PIEZO2: variants seen among roughly 807,000 people sequenced by gnomAD.
PIEZO2 encodes piezo type mechanosensitive ion channel component 2.
Under a neutral mutation model 337.3 loss-of-function variants are expected in PIEZO2, and 172 were observed. That is an observed-to-expected ratio of 0.51 (90% CI 0.45 to 0.58). The LOEUF (loss-of-function observed/expected upper bound fraction) is 0.58. Among genes scored for constraint, PIEZO2 ranks in the 20% least tolerant of loss-of-function variants. The pLI, the probability that PIEZO2 is intolerant of heterozygous loss-of-function variation, is 0.00. For missense variants in PIEZO2, 3,028 were observed against 3,391.3 expected (o/e 0.89, Z 2.66); for synonymous variants, 1,251 against 1,228.5 (o/e 1.02, Z -0.38).
rs2040809866 is a variant in PIEZO2 at position 11,146,308 on chromosome 18, G to C, written c.64+2217C>G. On this transcript the variant is annotated intron_variant, in intron 1 of 55. Coordinates refer to ENST00000674853, the MANE Select transcript of PIEZO2 (RefSeq NM_001378183.1). The surrounding 1 kb of genome is among the most constrained non-coding windows in gnomAD (Gnocchi z 6.1). ...AAAGTCCAGGATCAAAGTGGACTCA[G>C]GCAGCGGGAGCCCCCAGCCTGCCCT... Among the ~76,000 whole-genome samples, 1 of 152,150 alleles carries C rather than the reference G, an allele frequency of 6.6e-6. No individual in the cohort carries two copies. The highest frequency in any genetic ancestry group is 6.5e-5 in the Admixed American group (1 of 15,286).
At chr18:10,719,996 T>G (rs1395216034) in intron 36 of PIEZO2, among the ~76,000 whole-genome samples, 1 of 152,074 alleles carries the variant, frequency 6.6e-6, no homozygotes, top group Non-Finnish European at 1.5e-5. Flanking sequence ...TGTCATCTGA[T>G]AGAGGATGTT....
chr18:10,871,542 A>C, intron 4 of PIEZO2, 127 bp from the exon 5 acceptor site: 1 of 925,128 alleles, frequency 1.1e-6, no homozygotes, highest in Admixed American at 3.1e-5. Context: ...TCTCCCTAAA[A>C]GGTACAAGAA....
At chr18:10,901,457 C>A (rs2043047619) in intron 4 of PIEZO2, among the ~76,000 whole-genome samples, 1 of 150,998 alleles carries the variant, frequency 6.6e-6, no homozygotes. Context: ...CACACACACA[C>A]ACTGCAGGTG....
Position 10,940,274 on chromosome 18 carries a change from G to T in PIEZO2, c.287-29046C>A, listed in dbSNP as rs2032656048. Among the ~76,000 whole-genome samples, 1 of 152,152 alleles carries T rather than the reference G, an allele frequency of 6.6e-6. No individual in the cohort carries two copies. Among genetic ancestry groups the T allele is most frequent in the African/African-American group, 2.4e-5 (1 of 41,428 alleles). ...CCTCATAAAGCCCTGGCATGAATTG[G>T]TAATAAAAATCTAGTGAGCTCTTCC... On this transcript the variant is annotated intron_variant, in intron 3 of 55. Transcript: ENST00000674853. This position sits in a 1 kb window ranked among gnomAD's most constrained non-coding sequence, Gnocchi z 5.3.
At position 11,032,370 on chromosome 18, in the gene PIEZO2, G is replaced by C. The variant is rs2036773687; in HGVS notation, c.160+33757C>G. ...ACATTCATTTCCGTGTCTGCAGACA[G>C]AAGGTAATGGCATCTCTCCATTATA... On this transcript the variant is annotated intron_variant, in intron 2 of 55. Coordinates refer to ENST00000674853, the MANE Select transcript of PIEZO2 (RefSeq NM_001378183.1). The surrounding 1 kb of genome is among the most constrained non-coding windows in gnomAD (Gnocchi z 4.9). Among the ~76,000 whole-genome samples the C allele has an allele frequency of 1.3e-5, 2 of 152,194 alleles. No individual in the cohort carries two copies. Among genetic ancestry groups the C allele is most frequent in the South Asian group, 4.1e-4 (2 of 4,832 alleles).
chr18:10,747,381 A>ACAGAC (rs1466970676), intron 30 of PIEZO2, among the ~76,000 whole-genome samples: 3 of 152,226 alleles, frequency 2.0e-5, no homozygotes, highest in African/African-American at 7.2e-5. Context: ...AAGGACCTCT[A>ACAGAC]CAGACCAAAT....
At chr18:10,703,269 G>C (rs927052695) in intron 42 of PIEZO2, among the ~76,000 whole-genome samples, 1 of 152,120 alleles carries the variant, frequency 6.6e-6, no homozygotes, top group East Asian at 1.9e-4. Flanking sequence ...TTATAGACTG[G>C]CACCCATTCC....
At chr18:10,692,303 TA>T (rs2034882597) in intron 47 of PIEZO2, among the ~76,000 whole-genome samples, 1 of 152,198 alleles carries the variant, frequency 6.6e-6, no homozygotes, top group Admixed American at 6.5e-5. Flanking sequence ...GTACAGATTT[TA>T]AAAAGGAAAT....
In PIEZO2 at chr18:10,794,785, T is replaced by G; in HGVS notation, c.1745A>C (p.Glu582Ala). 1 of 1,530,818 alleles carries G rather than the reference T, an allele frequency of 6.5e-7. No homozygotes were observed. Among genetic ancestry groups the G allele is most frequent in the South Asian group, 1.2e-5 (1 of 83,046 alleles). The allele number at this position is 1,530,818 out of a possible 1,614,324, so 94.8% of individuals were successfully genotyped here. A position where few individuals can be genotyped will look rare whatever the true frequency, so the allele number is the denominator to read the frequency against. The part of the protein sequence containing the change: ...PGFLEKKEPG[E>A]LASKILFTIT... ...CTATTCACTTACTTTGGAAGCAAGT[T>G]CTCCTGGCTCTTTCTTTTCTAAAAA... Residue 582 changes from glutamate to alanine, a missense_variant, in exon 13 of 56, where the codon GAA (glutamate) becomes GCA (alanine). Transcript: ENST00000674853. The surrounding 1 kb of genome is among the most constrained non-coding windows in gnomAD (Gnocchi z 6.6).
chr18:11,144,618 T>A (rs1388972565), intron 1 of PIEZO2, among the ~76,000 whole-genome samples: 2 of 152,258 alleles, frequency 1.3e-5, no homozygotes, highest in East Asian at 3.8e-4. Context: ...AAATTTTTAC[T>A]CACATTTTAA....
chr18:10,725,614 C>T (rs1368295100), intron 36 of PIEZO2, among the ~76,000 whole-genome samples: 1 of 152,244 alleles, frequency 6.6e-6, no homozygotes, highest in Non-Finnish European at 1.5e-5. Context: ...CCGCCTCCGC[C>T]CTCTGGCTCA....
In PIEZO2 at chr18:10,942,099, G is replaced by GT. The variant is rs1480531249; in HGVS notation, c.287-30872dup. On this transcript the variant is annotated intron_variant, in intron 3 of 55. Transcript: ENST00000674853. The surrounding 1 kb of genome is among the most constrained non-coding windows in gnomAD (Gnocchi z 4.4). The stretch of plus-strand genomic sequence containing the variant: ...GAGGCCTCTCCAGCCATGTGGAACT[G>GT]TAAGTCCAATAAACCTCTTTCTTTT... 1.3e-5 allele frequency among the ~76,000 whole-genome samples: 2 copies of GT among 152,232 alleles called. No individual in the cohort carries two copies. Among genetic ancestry groups the GT allele is most frequent in the African/African-American group, 2.4e-5 (1 of 41,464 alleles).
chr18:10,771,072 T>G (rs1291352082), intron 20 of PIEZO2, among the ~76,000 whole-genome samples: 1 of 152,204 alleles, frequency 6.6e-6, no homozygotes, highest in Admixed American at 6.5e-5. Flanking sequence ...ACTATAATTT[T>G]CTAATATTCT....
In PIEZO2 at chr18:10,807,163, C is replaced by A; in HGVS notation, c.1029G>T (p.Val343=). The stretch of plus-strand genomic sequence containing the variant: ...TCAGAGTGGCCAGAGTGTAGTACAT[C>A]ACCAGCAGGAGGATAGGGTTGGCGT... The part of the protein sequence containing the change: ...YHHANPILLL[V]MYYTLATLIR... Residue 343 remains valine, a synonymous_variant, in exon 8 of 56, where the codon GTG becomes GTT. Coordinates refer to ENST00000674853, the MANE Select transcript of PIEZO2 (RefSeq NM_001378183.1). 6.5e-7 allele frequency: 1 copy of A among 1,537,264 alleles called. No homozygotes were observed. Among genetic ancestry groups the A allele is most frequent in the Non-Finnish European group, 8.7e-7 (1 of 1,146,902 alleles).
At position 10,819,806 on chromosome 18, in the gene PIEZO2, AT is replaced by A. The variant is rs1013919933; in HGVS notation, c.918-12533del. On this transcript the variant is annotated intron_variant, in intron 7 of 55. Transcript: ENST00000674853. The surrounding 1 kb of genome is among the most constrained non-coding windows in gnomAD (Gnocchi z 4.3). ...TAGAGCTAAGCTTCTACCTGAAATC[AT>A]TTTCCTTAAGTCTGAAGAGCATCCT... Among the ~76,000 whole-genome samples, 14 of 152,258 alleles carry A rather than the reference AT, an allele frequency of 9.2e-5. No individual in the cohort carries two copies. Among genetic ancestry groups the A allele is most frequent in the African/African-American group, 3.4e-4 (14 of 41,574 alleles).
intron 3 of PIEZO2, among the ~76,000 whole-genome samples, chr18:10,948,272 T>C (rs1318007839): frequency 6.6e-6 from 1 of 152,210 alleles, no homozygotes; most frequent in South Asian, 2.1e-4. Context: ...TAATCATGTA[T>C]GTGATTGAAC....
chr18:10,994,810 A>G (rs8085055), intron 2 of PIEZO2, among the ~76,000 whole-genome samples: 76,921 of 151,408 alleles, frequency 0.51, 19,810 homozygotes, highest in African/African-American at 0.57. Flanking sequence ...TGCCAGGCAC[A>G]GTAGCTCACG....
intron 54 of PIEZO2, among the ~76,000 whole-genome samples, chr18:10,674,900 C>T (rs2033925866): frequency 6.6e-6 from 1 of 152,190 alleles, no homozygotes; most frequent in African/African-American, 2.4e-5. Flanking sequence ...GAGGCAGTTT[C>T]CTGTCAGTAA....
At chr18:11,049,773 C>T (rs2037456774) in intron 2 of PIEZO2, among the ~76,000 whole-genome samples, 3 of 152,132 alleles carry the variant, frequency 2.0e-5, no homozygotes, top group South Asian at 2.1e-4. Context: ...ATGCCTTTCG[C>T]CTCCCACCAT....
Sources: gnomAD v4.1 joint callset for allele counts (sites outside exome capture counted in the v4.1 genomes callset) on GRCh38, gnomAD v4.1.1 for gene constraint, Gnocchi (gnomAD v3.1) non-coding constraint, MANE v1.5 for transcripts, NCBI Gene and HGNC (gene_info 2026-07-23, HGNC 2026-07-21) for gene names.